Variants in C12orf54 observed in about 807,000 individuals in gnomAD.
The protein encoded by C12orf54 is chromosome 12 open reading frame 54, also known as uncharacterized protein C12orf54.
A neutral mutation model predicts 26.4 loss-of-function variants in C12orf54; 24 were observed. The observed-to-expected ratio is 0.91, with a 90% confidence interval of 0.66 to 1.28. The LOEUF is 1.28. Among genes scored for constraint, C12orf54 ranks in the 50% most tolerant of loss-of-function variants. The pLI is 0.00. For synonymous variants in C12orf54, 54 were observed against 47.0 expected (o/e 1.15, Z -0.61); for missense variants, 154 against 150.9 (o/e 1.02, Z -0.11).
At chr12:48,454,746 A>G in the C12orf54 span, among the ~76,000 whole-genome samples, 4 of 152,240 alleles carry the variant, frequency 2.6e-5, no homozygotes, top group Non-Finnish European at 5.9e-5. Context: ...ATCATATTTT[A>G]CAAATACTGT....
the C12orf54 span, among the ~76,000 whole-genome samples, chr12:48,449,499 G>A: frequency 6.6e-6 from 1 of 152,148 alleles, no homozygotes; most frequent in Admixed American, 6.5e-5. Flanking sequence ...TGACTCCCCA[G>A]ACTGCTTAGA....
At chr12:48,467,551 T>C in the C12orf54 span, among the ~76,000 whole-genome samples, 7 of 152,274 alleles carry the variant, frequency 4.6e-5, no homozygotes, top group East Asian at 1.3e-3. Flanking sequence ...ACACAATGTA[T>C]AATTTTATTT....
At chr12:48,425,901 C>A in the C12orf54 span, among the ~76,000 whole-genome samples, 1 of 144,474 alleles carries the variant, frequency 6.9e-6, no homozygotes, top group African/African-American at 2.5e-5. Flanking sequence ...CGGTTCATAT[C>A]TTTTGCTCAT....
the C12orf54 span, among the ~76,000 whole-genome samples, chr12:48,468,842 G>T: frequency 6.6e-6 from 1 of 152,002 alleles, no homozygotes; most frequent in African/African-American, 2.4e-5. Context: ...GCCTGTCTGA[G>T]AAATAAAGAG....
At chr12:48,463,405 T>C in the C12orf54 span, among the ~76,000 whole-genome samples, 10 of 151,920 alleles carry the variant, frequency 6.6e-5, no homozygotes, top group Non-Finnish European at 1.3e-4. Flanking sequence ...AGACCAATAA[T>C]GATCTCCAAA....
the C12orf54 span, among the ~76,000 whole-genome samples, chr12:48,476,127 T>C: frequency 1.2e-4 from 19 of 152,274 alleles, no homozygotes; most frequent in Admixed American, 3.3e-4. Context: ...CAACCCAGAA[T>C]TTCATATCAG....
At chr12:48,462,836 C>A in the C12orf54 span, among the ~76,000 whole-genome samples, 1 of 151,602 alleles carries the variant, frequency 6.6e-6, no homozygotes, top group Non-Finnish European at 1.5e-5. Flanking sequence ...GGATTTGGAA[C>A]AAGGAAAGAA....
chr12:48,437,088 A>G, the C12orf54 span, among the ~76,000 whole-genome samples: 2 of 152,246 alleles, frequency 1.3e-5, no homozygotes, highest in African/African-American at 4.8e-5. Context: ...GATCCCACAG[A>G]AATACAAACT....
Position 48,494,904 on chromosome 12 carries a change from C to G in C12orf54, c.349C>G (p.Leu117Val). 1 of 1,613,050 alleles carries G rather than the reference C, an allele frequency of 6.2e-7. No homozygotes were observed. The highest frequency in any genetic ancestry group is 1.1e-5 in the South Asian group (1 of 91,062). The change falls in exon 8 of 9, where the codon CTC (leucine) becomes GTC (valine). Residue 117 changes from leucine (L) to valine (V), a missense_variant. Physicochemically the swap from Leu to Val is conservative, Grantham distance 32 (BLOSUM62 1). Transcript: ENST00000548364. ...GGRIHNLKTQ[L>V]FSQSAYYPGP ...CCGTATCCACAACCTGAAGACACAG[C>G]TCTTCAGTCAATCAGCTTACTACCC... is the stretch of plus-strand genomic sequence containing the variant.
the C12orf54 span, among the ~76,000 whole-genome samples, chr12:48,476,436 A>G: frequency 1.3e-5 from 2 of 152,342 alleles, no homozygotes; most frequent in East Asian, 3.9e-4. Context: ...CTCCAATTAA[A>G]AGACACAGAC....
the C12orf54 span, among the ~76,000 whole-genome samples, chr12:48,432,783 C>T: frequency 1.3e-5 from 2 of 151,640 alleles, no homozygotes; most frequent in Non-Finnish European, 2.9e-5. Flanking sequence ...GCAGGAAAAT[C>T]GCTTGAACTC....
At chr12:48,472,914 G>C in the C12orf54 span, 1 of 1,614,118 alleles carries the variant, frequency 6.2e-7, no homozygotes, top group Non-Finnish European at 8.5e-7. Flanking sequence ...AGAAGTATTG[G>C]CAGAAAAGTG....
At chr12:48,483,652 AG>A (rs367936283) in intron 2 of C12orf54, 245 of 312,058 alleles carry the variant, frequency 7.9e-4, no homozygotes, top group African/African-American at 4.8e-3. Context: ...ACTTTGCCTA[AG>A]TCCTTTATAT....
chr12:48,427,570 A>G, the C12orf54 span, among the ~76,000 whole-genome samples: 2 of 151,994 alleles, frequency 1.3e-5, no homozygotes, highest in Non-Finnish European at 2.9e-5. Context: ...AAGTTAAAAA[A>G]GACAAAGAGG....
the C12orf54 span, among the ~76,000 whole-genome samples, chr12:48,446,028 G>A: frequency 3.9e-5 from 6 of 152,134 alleles, no homozygotes; most frequent in Admixed American, 1.3e-4. Context: ...AGAAACAGAG[G>A]GGAACAAAGT....
At chr12:48,447,417 A>G in the C12orf54 span, among the ~76,000 whole-genome samples, 6 of 152,314 alleles carry the variant, frequency 3.9e-5, no homozygotes, top group African/African-American at 1.2e-4. Context: ...TGACTAATAC[A>G]ATAGAGAAGA....
At chr12:48,486,792 A>T in intron 4 of C12orf54, 66 bp downstream of exon 4, 1 of 1,466,060 alleles carries the variant, frequency 6.8e-7, no homozygotes, top group Admixed American at 1.7e-5. Flanking sequence ...GTCTTCAGGA[A>T]GGAGCACATT....
the C12orf54 span, among the ~76,000 whole-genome samples, chr12:48,455,043 T>C: frequency 1.4e-4 from 22 of 152,220 alleles, no homozygotes; most frequent in African/African-American, 5.3e-4. Context: ...GGTGTACAAA[T>C]GATTTCATCA....
chr12:48,438,158 T>G, the C12orf54 span, among the ~76,000 whole-genome samples: 16,566 of 152,168 alleles, frequency 0.11, 940 homozygotes, highest in Middle Eastern at 0.13. Context: ...TCACAGTTGC[T>G]TCAAAGAGAA....
Sources: gnomAD v4.1 joint callset for allele counts (sites outside exome capture counted in the v4.1 genomes callset) on GRCh38, gnomAD v4.1.1 for gene constraint, MANE v1.5 for transcripts, NCBI Gene and HGNC (gene_info 2026-07-23, HGNC 2026-07-21) for gene names.